MAPK10: variants seen among roughly 807,000 people sequenced by gnomAD.
MAPK10 encodes the protein mitogen-activated protein kinase 10, also known as JNK3 alpha protein kinase.
A neutral mutation model predicts 59.3 loss-of-function variants in MAPK10; 25 were observed. The observed-to-expected ratio is 0.42, with a 90% confidence interval of 0.31 to 0.59. The LOEUF (loss-of-function observed/expected upper bound fraction) is 0.59. MAPK10 is among the 20% of genes least tolerant of loss of function. The pLI is 0.15. For missense variants in MAPK10, 351 were observed against 568.9 expected (o/e 0.62, Z 3.90); for synonymous variants, 190 against 200.5 (o/e 0.95, Z 0.44).
At chr4:86,200,647 C>T (rs560611874) in intron 2 of MAPK10, among the ~76,000 whole-genome samples, 1 of 151,670 alleles carries the variant, frequency 6.6e-6, no homozygotes, top group Admixed American at 6.6e-5. Flanking sequence ...GTTTTCATTT[C>T]TCTTAGGGAA....
At chr4:86,270,902 A>G (rs975775384) in intron 2 of MAPK10, among the ~76,000 whole-genome samples, 7 of 152,124 alleles carry the variant, frequency 4.6e-5, no homozygotes, top group Non-Finnish European at 7.4e-5. Context: ...TGAATATACT[A>G]TAGTTTATTC....
At chr4:86,359,431 A>G (rs557257612) in intron 1 of MAPK10, among the ~76,000 whole-genome samples, 4 of 151,466 alleles carry the variant, frequency 2.6e-5, no homozygotes, top group Admixed American at 1.3e-4. Context: ...CCCTCACTCC[A>G]AATGGAAAGG....
At chr4:86,153,934 T>C (rs1190283197) in intron 4 of MAPK10, among the ~76,000 whole-genome samples, 1 of 152,108 alleles carries the variant, frequency 6.6e-6, no homozygotes, top group African/African-American at 2.4e-5. Flanking sequence ...TAATGGAAAA[T>C]GCCAGGGATG....
chr4:86,527,049 C>T (rs960991182), intron 1 of MAPK10, among the ~76,000 whole-genome samples: 4 of 152,006 alleles, frequency 2.6e-5, no homozygotes, highest in African/African-American at 9.7e-5. Context: ...TAGCTCATGC[C>T]TATAGTCCCA....
intron 1 of MAPK10, among the ~76,000 whole-genome samples, chr4:86,419,114 C>T (rs904155713): frequency 2.0e-5 from 3 of 152,082 alleles, no homozygotes; most frequent in Non-Finnish European, 4.4e-5. Context: ...ATTCATGTAA[C>T]CAAAAACCAT....
intron 2 of MAPK10, among the ~76,000 whole-genome samples, chr4:86,341,948 G>A (rs553613925): frequency 5.3e-5 from 8 of 152,198 alleles, no homozygotes; most frequent in South Asian, 4.1e-4. Context: ...AAACTGAAGC[G>A]TAAGAGGTTA....
chr4:86,283,363 C>A (rs757910785), intron 2 of MAPK10, among the ~76,000 whole-genome samples: 13 of 152,156 alleles, frequency 8.5e-5, no homozygotes, highest in Non-Finnish European at 1.6e-4. Context: ...AATCTACCAG[C>A]AGTGCTGGGC....
chr4:86,574,034 T>G (rs1761670808), intron 1 of MAPK10, among the ~76,000 whole-genome samples: 1 of 152,188 alleles, frequency 6.6e-6, no homozygotes, highest in African/African-American at 2.4e-5. Flanking sequence ...TAGGTATATC[T>G]CCTAATGCTA....
intron 2 of MAPK10, among the ~76,000 whole-genome samples, chr4:86,230,901 C>T (rs574127824): frequency 3.2e-4 from 48 of 152,024 alleles, no homozygotes; most frequent in Non-Finnish European, 6.3e-4. Context: ...TTTTTATCTG[C>T]TTAGATAGGA....
At chr4:86,428,585 TAGAC>T (rs1166677553) in intron 1 of MAPK10, among the ~76,000 whole-genome samples, 4 of 152,302 alleles carry the variant, frequency 2.6e-5, no homozygotes, top group South Asian at 2.1e-4. Flanking sequence ...GATAGACAGA[TAGAC>T]AGATAGATAG....
chr4:86,507,529 T>C (rs1755828888), intron 1 of MAPK10, among the ~76,000 whole-genome samples: 1 of 148,060 alleles, frequency 6.8e-6, no homozygotes, highest in African/African-American at 2.5e-5. Context: ...ATTGAAGCAT[T>C]GCCTACAATT....
At chr4:86,082,063 T>C (rs1348271106) in intron 9 of MAPK10, 2 of 152,088 alleles carry the variant, frequency 1.3e-5, no homozygotes, top group Admixed American at 6.6e-5. Context: ...AGTCACAAGA[T>C]AACGATGACA....
chr4:86,471,275 C>CAAA (rs60423060), intron 1 of MAPK10, among the ~76,000 whole-genome samples: 5 of 96,846 alleles, frequency 5.2e-5, no homozygotes, highest in Non-Finnish European at 1.1e-4. Context: ...TGCCCCCCTG[C>CAAA]AAAAAAAAAA....
Position 86,523,118 on chromosome 4 carries a change from ATAT to A in MAPK10, c.-263+70789_-263+70791del, listed in dbSNP as rs1409003065. The stretch of plus-strand genomic sequence containing the variant: ...CATTCATTCTACTACACTTATATTG[ATAT>A]TATTAATACCTTTATTATTATTACC... On this transcript the variant is annotated intron_variant, in intron 1 of 4. Transcript: ENST00000502302. 2.6e-5 allele frequency among the ~76,000 whole-genome samples: 4 copies of A among 152,242 alleles called. No individual in the cohort carries two copies. In the East Asian group the frequency reaches 7.7e-4, roughly 29 times the overall value.
At chr4:86,543,069 A>G (rs1652091000) in intron 1 of MAPK10, among the ~76,000 whole-genome samples, 1 of 152,160 alleles carries the variant, frequency 6.6e-6, no homozygotes, top group African/African-American at 2.4e-5. Flanking sequence ...AGGCAAATTT[A>G]CTACTGCTGC....
At chr4:86,085,729 A>G (rs1340086118) in intron 9 of MAPK10, among the ~76,000 whole-genome samples, 1 of 152,222 alleles carries the variant, frequency 6.6e-6, no homozygotes, top group Non-Finnish European at 1.5e-5. Flanking sequence ...TGATCTGGCA[A>G]TCCCACTGCT....
chr4:86,256,734 C>CTTTTTTTTTTTTTTTTTTTTTTT (rs767737802), intron 2 of MAPK10, among the ~76,000 whole-genome samples: 48 of 59,604 alleles, frequency 8.1e-4, no homozygotes, highest in East Asian at 1.4e-3. Flanking sequence ...TTCTTTCTTT[C>CTTTTTTTTTTTTTTTTTTTTTTT]TTTTTTTTTT....
At chr4:86,434,768 T>C (rs1459646372) in intron 1 of MAPK10, among the ~76,000 whole-genome samples, 1 of 152,212 alleles carries the variant, frequency 6.6e-6, no homozygotes, top group Non-Finnish European at 1.5e-5. Flanking sequence ...AGAACTACCA[T>C]ATGATGCAGC....
intron 2 of MAPK10, among the ~76,000 whole-genome samples, chr4:86,239,019 C>T (rs796235436): frequency 8.5e-5 from 13 of 152,148 alleles, no homozygotes; most frequent in Admixed American, 2.0e-4. Context: ...AGATTATGTT[C>T]CATAGATATC....
Sources: gnomAD v4.1 joint callset for allele counts (sites outside exome capture counted in the v4.1 genomes callset) on GRCh38, gnomAD v4.1.1 for gene constraint, MANE v1.5 for transcripts, NCBI Gene and HGNC (gene_info 2026-07-23, HGNC 2026-07-21) for gene names.